The following MGST1 variants were observed in gnomAD, a reference collection of about 807,000 sequenced individuals.
The protein encoded by MGST1 is glutathione S-transferase 12.
A neutral mutation model predicts 8.9 loss-of-function variants in MGST1; 5 were observed. The observed-to-expected ratio is 0.56, with a 90% CI of 0.29 to 1.19. The LOEUF is 1.19. MGST1 is among the 50% of genes most tolerant of loss of function. The probability of loss-of-function intolerance (pLI) is 0.08; values close to 1 mark genes in which losing one functional copy is unlikely to be tolerated. For missense variants in MGST1, 182 were observed against 187.4 expected (o/e 0.97, Z 0.17); for synonymous variants, 54 against 67.8 (o/e 0.80, Z 1.00).
At chr12:16,556,322 C>A (rs897310713) in intron 4 of MGST1, among the ~76,000 whole-genome samples, 1 of 152,024 alleles carries the variant, frequency 6.6e-6, no homozygotes, top group East Asian at 1.9e-4. Flanking sequence ...CTTAAATAAC[C>A]CTCCTGCGGT....
chr12:16,502,744 C>T (rs966720533), intron 4 of MGST1, among the ~76,000 whole-genome samples: 4 of 152,196 alleles, frequency 2.6e-5, no homozygotes, highest in African/African-American at 7.2e-5. Flanking sequence ...TCTTGCTCCT[C>T]CCCCTCCCAC....
rs1943371572 is a variant in MGST1 at position 16,587,925 on chromosome 12, T to A, written n.483-1603T>A. On this transcript the variant is annotated intron_variant and non_coding_transcript_variant, in intron 4 of 4. Coordinates refer to the MGST1 transcript ENST00000538857. The surrounding 1 kb of genome is among the most constrained non-coding windows in gnomAD (Gnocchi z 4.3). ...ATTTCTCATGAAAGAAAACCTTGAT[T>A]TAATTTTAAATGAACAAAACAAGGA... Among the ~76,000 whole-genome samples, 1 of 152,134 alleles carries A rather than the reference T, an allele frequency of 6.6e-6. No homozygotes were observed. Among genetic ancestry groups the A allele is most frequent in the South Asian group, 2.1e-4 (1 of 4,834 alleles).
At position 16,559,303 on chromosome 12, in the gene MGST1, A is replaced by G. The variant is rs1037736467; in HGVS notation, n.483-30225A>G. On this transcript the variant is annotated intron_variant and non_coding_transcript_variant, in intron 4 of 4. Transcript: ENST00000538857. The surrounding 1 kb of genome is among the most constrained non-coding windows in gnomAD (Gnocchi z 4.1). Reference sequence around the variant, plus strand: ...CATATAAAACAGGTGCCAGTAGTATATAGTTTTCACAGAAATAAAAAATAT... The same window carrying G: ...CATATAAAACAGGTGCCAGTAGTATGTAGTTTTCACAGAAATAAAAAATAT... Among the ~76,000 whole-genome samples the G allele has an allele frequency of 6.6e-6, 1 of 152,208 alleles. No homozygotes were observed. The highest frequency in any genetic ancestry group is 2.4e-5 in the African/African-American group (1 of 41,472).
At chr12:16,514,352 G>A (rs989213728) in intron 4 of MGST1, 10 of 303,568 alleles carry the variant, frequency 3.3e-5, no homozygotes, top group African/African-American at 6.7e-5. Flanking sequence ...AATGGGACCC[G>A]TTTGCTTCTA....
At position 16,445,562 on chromosome 12, in the gene MGST1, G is replaced by A. The variant is rs1325506527; in HGVS notation, n.482+61958G>A. 7.2e-5 allele frequency among the ~76,000 whole-genome samples: 11 copies of A among 152,072 alleles called. No homozygotes were observed. In the East Asian group the frequency reaches 1.9e-3, roughly 27 times the overall value. ...GTTAACATGGCCCTTGGGCAAAAGT[G>A]TAAATGTATGTTGTCCATTCCATGT... is the stretch of plus-strand genomic sequence containing the variant. On this transcript the variant is annotated intron_variant and non_coding_transcript_variant, in intron 4 of 4. Transcript: ENST00000538857.
intron 4 of MGST1, among the ~76,000 whole-genome samples, chr12:16,463,189 T>C (rs1203786276): frequency 1.3e-5 from 2 of 151,964 alleles, no homozygotes; most frequent in Non-Finnish European, 2.9e-5. Flanking sequence ...CAACACCTAG[T>C]TTTCTTTTTT....
intron 3 of MGST1, chr12:16,360,501 A>G: frequency 6.5e-6 from 2 of 309,374 alleles, no homozygotes; most frequent in Non-Finnish European, 4.7e-6. Flanking sequence ...TGAGTTCTGG[A>G]AAGACAGAAA....
Position 16,401,863 on chromosome 12 carries a change from C to T in MGST1, n.778+18259C>T. ...TTGAAGACTTCAGAAGTGATGCCAG[C>T]TGCTTTCTTCATTAATTTGAGCTCC... is the stretch of plus-strand genomic sequence containing the variant. On this transcript the variant is annotated intron_variant and non_coding_transcript_variant, in intron 1 of 1. Transcript: ENST00000359720. The surrounding 1 kb of genome is among the most constrained non-coding windows in gnomAD (Gnocchi z 4.3). 6.2e-7 allele frequency: 1 copy of T among 1,604,252 alleles called. No individual in the cohort carries two copies. The highest frequency in any genetic ancestry group is 8.5e-7 in the Non-Finnish European group (1 of 1,171,000).
rs1438578665 is a variant in MGST1, at chr12:16,500,361, TTA to T, written n.483-89164_483-89163del. ...TAAACTGGAAAAAGAGAGGTTCTTATTATAACAACAGCTATTCCCAACCTTCT... is the reference window on the plus strand; with the variant it reads ...TAAACTGGAAAAAGAGAGGTTCTTATTAACAACAGCTATTCCCAACCTTCT... On this transcript the variant is annotated intron_variant and non_coding_transcript_variant, in intron 4 of 4. Coordinates refer to the MGST1 transcript ENST00000538857. This position sits in a 1 kb window ranked among gnomAD's most constrained non-coding sequence, Gnocchi z 4.3. Among the ~76,000 whole-genome samples, 1 of 152,222 alleles carries T rather than the reference TTA, an allele frequency of 6.6e-6. No individual in the cohort carries two copies. Among genetic ancestry groups the T allele is most frequent in the Non-Finnish European group, 1.5e-5 (1 of 68,040 alleles).
At chr12:16,485,943 T>C (rs1041284798) in intron 4 of MGST1, among the ~76,000 whole-genome samples, 1 of 152,216 alleles carries the variant, frequency 6.6e-6, no homozygotes, top group African/African-American at 2.4e-5. Flanking sequence ...TAATTTTCTC[T>C]TTTGCTTGCT....
At chr12:16,532,118 A>G (rs1941727073) in intron 4 of MGST1, among the ~76,000 whole-genome samples, 1 of 152,116 alleles carries the variant, frequency 6.6e-6, no homozygotes, top group Non-Finnish European at 1.5e-5. Context: ...GATGCTCAGG[A>G]CAGACTGCAA....
At chr12:16,520,436 G>C (rs756548515) in intron 4 of MGST1, among the ~76,000 whole-genome samples, 3 of 151,346 alleles carry the variant, frequency 2.0e-5, no homozygotes, top group Non-Finnish European at 4.4e-5. Flanking sequence ...TAATGATGGA[G>C]TTTAGGGGAG....
At chr12:16,392,175 G>A (rs539720470) in intron 1 of MGST1, among the ~76,000 whole-genome samples, 4 of 152,238 alleles carry the variant, frequency 2.6e-5, no homozygotes, top group Admixed American at 2.6e-4. Flanking sequence ...GTTGGGTGAT[G>A]TGAAGCTTCC....
chr12:16,578,773 G>A (rs1362299142), intron 4 of MGST1, among the ~76,000 whole-genome samples: 2 of 151,810 alleles, frequency 1.3e-5, no homozygotes, highest in Non-Finnish European at 2.9e-5. Context: ...AGCCGAGATC[G>A]AGCCACTGAA....
In MGST1 at chr12:16,401,151, T is replaced by C. The variant is rs1427854663; in HGVS notation, n.778+17547T>C. 7.7e-6 allele frequency: 12 copies of C among 1,564,474 alleles called. No individual in the cohort carries two copies. The highest frequency in any genetic ancestry group is 1.1e-5 in the Non-Finnish European group (12 of 1,136,162). The stretch of plus-strand genomic sequence containing the variant: ...TTAGGAAAATACCCACATTCTTCAC[T>C]TTCTTCTTCACAGAAGTGAGAACAG... On this transcript the variant is annotated intron_variant and non_coding_transcript_variant, in intron 1 of 1. Transcript: ENST00000359720. The surrounding 1 kb of genome is among the most constrained non-coding windows in gnomAD (Gnocchi z 4.3).
At chr12:16,381,615 G>A (rs1940454575), downstream of MGST1, among the ~76,000 whole-genome samples, 1 of 152,106 alleles carries the variant, frequency 6.6e-6, no homozygotes, top group African/African-American at 2.4e-5. Context: ...ACAATTATGT[G>A]TCTTGGGGTT....
chr12:16,471,934 C>A (rs926006747), intron 4 of MGST1, among the ~76,000 whole-genome samples: 1 of 151,986 alleles, frequency 6.6e-6, no homozygotes, highest in African/African-American at 2.4e-5. Context: ...CACACACACA[C>A]ACACACAGAC....
At chr12:16,358,846 T>G (rs1440639555) in intron 3 of MGST1, among the ~76,000 whole-genome samples, 3 of 146,712 alleles carry the variant, frequency 2.0e-5, no homozygotes, top group Non-Finnish European at 4.5e-5. Flanking sequence ...ACGTACCACA[T>G]TGTCTTTATC....
At chr12:16,372,622 T>C (rs1430599929) in intron 3 of MGST1, among the ~76,000 whole-genome samples, 1 of 151,988 alleles carries the variant, frequency 6.6e-6, no homozygotes, top group African/African-American at 2.4e-5. Flanking sequence ...AGTATGAAGA[T>C]TTCTCAAAGA....
Sources: allele counts gnomAD v4.1 joint callset (sites outside exome capture counted in the v4.1 genomes callset), GRCh38; gene constraint gnomAD v4.1.1; non-coding constraint Gnocchi (gnomAD v3.1); transcripts MANE v1.5; gene names NCBI Gene and HGNC (gene_info 2026-07-23, HGNC 2026-07-21).